The following HEATR5B variants were observed in gnomAD, a reference collection of about 807,000 sequenced individuals.
HEATR5B encodes the protein HEAT repeat containing 5B.
A neutral mutation model predicts 224.1 loss-of-function variants in HEATR5B; 156 were observed. The ratio of observed to expected loss-of-function variants is 0.70; its 90% CI spans 0.61 to 0.80. HEATR5B has a LOEUF of 0.80. Ranked by LOEUF, HEATR5B falls within the 30% of genes least tolerant of loss-of-function variation. HEATR5B has a pLI of 0.00. For synonymous variants in HEATR5B, 1,027 were observed against 893.0 expected (o/e 1.15, Z -2.68); for missense variants, 2,323 against 2,535.5 (o/e 0.92, Z 1.80).
intron 33 of HEATR5B, among the ~76,000 whole-genome samples, chr2:36,996,943 G>A (rs938508151): frequency 6.7e-6 from 1 of 150,064 alleles, no homozygotes. Context: ...GGCTGGTCTC[G>A]AACTCCTGAC....
In HEATR5B at chr2:37,049,850, TAAAA is replaced by T. The variant is rs60184195; in HGVS notation, c.2506-11_2506-8del. 0.014 allele frequency: 14,206 copies of T among 989,998 alleles called. No homozygotes were observed. Among genetic ancestry groups the T allele is most frequent in the Middle Eastern group, 0.019 (54 of 2,884 alleles). 61.3% of individuals were successfully genotyped at this position (989,998 alleles called of 1,614,324 possible). ...TTTTGTTTTCAGCTAAGCCCTACAT[TAAAA>T]AAAAAAAAAAAAAAAAGACAGCAAT... On this transcript the variant is annotated splice_polypyrimidine_tract_variant and splice_region_variant and intron_variant, in intron 17 of 35. Transcript: ENST00000233099.
In HEATR5B at chr2:37,060,712, T is replaced by A. The variant is rs757123232; in HGVS notation, c.1718A>T (p.His573Leu). Residue 573 changes from histidine (H) to leucine (L), a missense_variant, in exon 12 of 36, where the codon CAT (histidine) becomes CTT (leucine). His to Leu is a moderately conservative substitution (Grantham distance 99). This residue lies in a region of HEATR5B where 502 missense variants were observed against 517.8 expected (regional missense o/e 0.97). Coordinates refer to ENST00000233099, the MANE Select transcript of HEATR5B (RefSeq NM_019024.3). ...MTLGPSVVRY[H>L]LPKMLLLWRN... is the part of the protein sequence containing the mutation. Reference sequence around the variant, plus strand: ...CCACAATAACAACATCTTGGGCAGATGGTAACGAACGACAGATGGTCCTAG... The same window carrying A: ...CCACAATAACAACATCTTGGGCAGAAGGTAACGAACGACAGATGGTCCTAG... The A allele has an allele frequency of 6.2e-7, 1 of 1,613,670 alleles. No individual in the cohort carries two copies. Among genetic ancestry groups the A allele is most frequent in the Admixed American group, 1.7e-5 (1 of 59,978 alleles).
At chr2:37,083,465 G>T (rs777822704) in intron 1 of HEATR5B, 29 bp from the exon 2 acceptor site, 9 of 1,482,244 alleles carry the variant, frequency 6.1e-6, no homozygotes, top group Admixed American at 5.3e-5. Flanking sequence ...AAAAATACTT[G>T]TAAGTATTTT....
chr2:37,016,022 A>G (rs1347796924), intron 26 of HEATR5B, among the ~76,000 whole-genome samples: 1 of 152,172 alleles, frequency 6.6e-6, no homozygotes, highest in African/African-American at 2.4e-5. Flanking sequence ...AGGCAAGTGC[A>G]GTGACAATGG....
In HEATR5B at chr2:37,057,477, G is replaced by T. The variant is rs780681591; in HGVS notation, c.2063C>A (p.Ser688Tyr). The T allele has an allele frequency of 6.3e-7, 1 of 1,597,306 alleles. No individual in the cohort carries two copies. The highest frequency in any genetic ancestry group is 8.5e-7 in the Non-Finnish European group (1 of 1,174,072). Residue 688 changes from serine to tyrosine, a missense_variant, in exon 15 of 36, where the codon TCT becomes TAT. Physicochemically the swap from Ser to Tyr is moderately radical, Grantham distance 144. This residue lies in a region of HEATR5B where 502 missense variants were observed against 517.8 expected (regional missense o/e 0.97). Transcript: ENST00000233099. ...CAGTTCTCTAAGAAGTGCATTAAAAGATCCTAAAAAACAGAACTTCAGATC... is the reference window on the plus strand; with the variant it reads ...CAGTTCTCTAAGAAGTGCATTAAAATATCCTAAAAAACAGAACTTCAGATC... Reference protein sequence around the residue: ...ALLPPKTYEGSFNALLRELVA... With the variant: ...ALLPPKTYEGYFNALLRELVA...
intron 26 of HEATR5B, among the ~76,000 whole-genome samples, chr2:37,018,176 GA>G (rs1235007308): frequency 1.6e-4 from 22 of 136,360 alleles, no homozygotes; most frequent in South Asian, 4.6e-4. Flanking sequence ...CCTGCCACTA[GA>G]AAAAAAAAAA....
At chr2:37,069,568 G>A (rs1382543649) in intron 7 of HEATR5B, among the ~76,000 whole-genome samples, 2 of 152,072 alleles carry the variant, frequency 1.3e-5, no homozygotes, top group East Asian at 3.9e-4. Flanking sequence ...TTAGCTACAG[G>A]GTTGTTGGAG....
intron 21 of HEATR5B, among the ~76,000 whole-genome samples, chr2:37,035,266 T>C (rs10177166): frequency 0.13 from 19,379 of 152,268 alleles, 1,532 homozygotes; most frequent in Non-Finnish European, 0.17. Context: ...TCTGTGATAT[T>C]AGAGTTGTAA....
intron 33 of HEATR5B, among the ~76,000 whole-genome samples, chr2:36,999,245 A>C (rs1666928800): frequency 1.3e-5 from 2 of 152,056 alleles, no homozygotes; most frequent in Admixed American, 1.3e-4. Flanking sequence ...AAAACACCCG[A>C]AAAAACATAA....
At chr2:37,076,564 A>G (rs186339417) in intron 4 of HEATR5B, among the ~76,000 whole-genome samples, 1 of 151,736 alleles carries the variant, frequency 6.6e-6, no homozygotes, top group African/African-American at 2.4e-5. Flanking sequence ...CTGTGAGACA[A>G]TAAATTGTTG....
intron 22 of HEATR5B, among the ~76,000 whole-genome samples, chr2:37,030,293 G>A (rs958832821): frequency 4.6e-5 from 7 of 152,148 alleles, no homozygotes; most frequent in Non-Finnish European, 8.8e-5. Context: ...AAATGAAAGG[G>A]TTCCAAGAAA....
At chr2:37,001,200 C>A (rs539597206) in intron 32 of HEATR5B, among the ~76,000 whole-genome samples, 1 of 152,126 alleles carries the variant, frequency 6.6e-6, no homozygotes, top group Non-Finnish European at 1.5e-5. Flanking sequence ...ACTTGTAAAA[C>A]ATGTAATCAA....
intron 18 of HEATR5B, 35 bp downstream of exon 18, chr2:37,049,618 A>T: frequency 6.5e-7 from 1 of 1,543,526 alleles, no homozygotes; most frequent in Non-Finnish European, 8.9e-7. Context: ...ATCTTTGCCT[A>T]CACATGAAAC....
At chr2:36,999,232 A>C (rs1490016454) in intron 33 of HEATR5B, among the ~76,000 whole-genome samples, 1 of 152,110 alleles carries the variant, frequency 6.6e-6, no homozygotes, top group Non-Finnish European at 1.5e-5. Flanking sequence ...AAACAAAAAA[A>C]CAAAAACACC....
chr2:37,063,996 T>C (rs1671439456), intron 10 of HEATR5B, among the ~76,000 whole-genome samples: 1 of 152,092 alleles, frequency 6.6e-6, no homozygotes, highest in African/African-American at 2.4e-5. Flanking sequence ...GTATTTTTAG[T>C]AGAGACAAGG....
At chr2:37,013,639 C>T (rs1227193860) in intron 27 of HEATR5B, among the ~76,000 whole-genome samples, 1 of 152,204 alleles carries the variant, frequency 6.6e-6, no homozygotes, top group Non-Finnish European at 1.5e-5. Flanking sequence ...GTTTTTCCTA[C>T]CTAATTTCCT....
intron 24 of HEATR5B, among the ~76,000 whole-genome samples, chr2:37,024,405 A>G (rs954438729): frequency 1.3e-5 from 2 of 152,232 alleles, no homozygotes; most frequent in African/African-American, 4.8e-5. Context: ...TCTCACACAA[A>G]AATGATAACT....
chr2:37,047,574 T>C (rs74993543), intron 18 of HEATR5B, among the ~76,000 whole-genome samples: 2,644 of 152,346 alleles, frequency 0.017, 75 homozygotes, highest in African/African-American at 0.061. Flanking sequence ...TAAATTCAAC[T>C]ATCAAAGATT....
intron 16 of HEATR5B, among the ~76,000 whole-genome samples, chr2:37,054,639 T>C (rs1167175292): frequency 6.6e-6 from 1 of 151,108 alleles, no homozygotes; most frequent in Non-Finnish European, 1.5e-5. Context: ...TGTTCGCCAC[T>C]ACACCCAGCT....
Sources: gnomAD v4.1 joint callset for allele counts (sites outside exome capture counted in the v4.1 genomes callset) on GRCh38, gnomAD v4.1.1 for gene constraint, gnomAD v4.1.1 regional missense constraint, MANE v1.5 for transcripts, NCBI Gene and HGNC (gene_info 2026-07-23, HGNC 2026-07-21) for gene names.